Variants in WDFY2 observed in about 807,000 individuals in gnomAD.
WDFY2 encodes the protein WD repeat and FYVE domain-containing protein 2.
WDFY2 carries 36 observed loss-of-function variants against 56.4 expected under a neutral mutation model. The observed-to-expected ratio is 0.64, with a 90% CI of 0.49 to 0.84. WDFY2 has a LOEUF of 0.84. WDFY2 is among the 40% of genes least tolerant of loss of function. The pLI is 0.00. For missense variants in WDFY2, 444 were observed against 512.2 expected (o/e 0.87, Z 1.29); for synonymous variants, 176 against 183.7 (o/e 0.96, Z 0.34).
chr13:51,629,059 A>G (rs1303892663), intron 1 of WDFY2, among the ~76,000 whole-genome samples: 1 of 152,196 alleles, frequency 6.6e-6, no homozygotes, highest in Non-Finnish European at 1.5e-5. Context: ...TGAGACCCAG[A>G]GTTTTAGTTT....
intron 1 of WDFY2, among the ~76,000 whole-genome samples, chr13:51,657,706 G>T (rs932868241): frequency 2.6e-5 from 4 of 152,064 alleles, no homozygotes; most frequent in African/African-American, 9.7e-5. Context: ...CAGGTTTGCT[G>T]TCTCTTCTGA....
intron 3 of WDFY2, 145 bp from the exon 4 acceptor site, chr13:51,703,451 G>T (rs970525824): frequency 1.7e-6 from 1 of 593,936 alleles, no homozygotes; most frequent in Non-Finnish European, 3.0e-6. Flanking sequence ...TTTTAAAAGG[G>T]TACAAAAATT....
chr13:51,730,323 CT>C (rs1460316923), intron 6 of WDFY2, among the ~76,000 whole-genome samples: 1 of 152,204 alleles, frequency 6.6e-6, no homozygotes, highest in Non-Finnish European at 1.5e-5. Context: ...TCGTACTTAA[CT>C]TTTCAGCAGC....
intron 8 of WDFY2, 60 bp from the exon 9 acceptor site, chr13:51,755,298 G>A: frequency 1.3e-6 from 2 of 1,502,472 alleles, no homozygotes; most frequent in African/African-American, 2.7e-5. Flanking sequence ...ATCAGGGTCA[G>A]TGGTTTCCAT....
chr13:51,625,276 C>T (rs1954818368), intron 1 of WDFY2, among the ~76,000 whole-genome samples: 1 of 152,158 alleles, frequency 6.6e-6, no homozygotes, highest in South Asian at 2.1e-4. Context: ...TTAAGTACAT[C>T]TGATTGGACA....
At position 51,647,874 on chromosome 13, in the gene WDFY2, TACAC is replaced by T. The variant is rs766484438; in HGVS notation, c.138-12713_138-12710del. ...ATGACTATGTATGTGTATGCATGTA[TACAC>T]ACACACACGAGTCAGTTTAGCAACT... On this transcript the variant is annotated intron_variant, in intron 1 of 11. Transcript: ENST00000298125. Among the ~76,000 whole-genome samples, 13 of 151,966 alleles carry T rather than the reference TACAC, an allele frequency of 8.6e-5. No individual in the cohort carries two copies. In the East Asian group the frequency reaches 2.5e-3, roughly 29 times the overall value.
chr13:51,698,146 A>G (rs950638640), intron 3 of WDFY2, among the ~76,000 whole-genome samples: 38 of 152,242 alleles, frequency 2.5e-4, no homozygotes, highest in African/African-American at 8.7e-4. Flanking sequence ...ATTTGGTTCC[A>G]GTGCCCAAGC....
chr13:51,658,418 C>A (rs1371920599), intron 1 of WDFY2, among the ~76,000 whole-genome samples: 3 of 152,200 alleles, frequency 2.0e-5, no homozygotes, highest in African/African-American at 7.2e-5. Flanking sequence ...AAATCAAACA[C>A]ACCCCCTACA....
chr13:51,708,377 G>A (rs998167149), intron 4 of WDFY2, among the ~76,000 whole-genome samples: 1 of 151,770 alleles, frequency 6.6e-6, no homozygotes, highest in Admixed American at 6.6e-5. Flanking sequence ...TACTAGGGAG[G>A]CTAAGGTGGG....
chr13:51,722,643 A>G (rs1416963749), intron 5 of WDFY2, among the ~76,000 whole-genome samples: 2 of 152,236 alleles, frequency 1.3e-5, no homozygotes, highest in African/African-American at 2.4e-5. Context: ...TTCACAGTGT[A>G]GAAACCAAGG....
intron 1 of WDFY2, chr13:51,588,219 C>G (rs1450189570): frequency 6.6e-6 from 1 of 152,098 alleles, no homozygotes; most frequent in African/African-American, 2.4e-5. Context: ...TTTAGCATTC[C>G]CTGCCTAGGA....
rs1425390798 is a variant in WDFY2 at position 51,763,491 on chromosome 13, T to C, written c.*3722T>C. The C allele has an allele frequency of 6.6e-6, 1 of 152,232 alleles. No homozygotes were observed. The highest frequency in any genetic ancestry group is 2.4e-5 in the African/African-American group (1 of 41,458). The allele number at this position is 152,232 out of a possible 1,614,324, so 9.4% of individuals were successfully genotyped here. On this transcript the variant is annotated 3_prime_UTR_variant, in exon 12 of 12. Coordinates refer to ENST00000298125, the MANE Select transcript of WDFY2 (RefSeq NM_052950.4). ...CTTATGGAATATCACATTTTCATTT[T>C]CTGAGATTCATTTTATAAAAGTAAA...
In WDFY2 at chr13:51,703,577, GTTTTC is replaced by G. The variant is rs761711070; in HGVS notation, c.280-9_280-5del. ...TTAAAGAATTTATTTTTGTTTAATA[GTTTTC>G]TTTTCTTTTACAGGAGTTTATATTG... On this transcript the variant is annotated splice_polypyrimidine_tract_variant and intron_variant, in intron 3 of 11. Transcript: ENST00000298125. 2 of 1,558,100 alleles carry G rather than the reference GTTTTC, an allele frequency of 1.3e-6. No homozygotes were observed. The highest frequency in any genetic ancestry group is 1.9e-4 in the Middle Eastern group (1 of 5,190).
intron 1 of WDFY2, among the ~76,000 whole-genome samples, chr13:51,597,611 A>G (rs80298138): frequency 0.013 from 2,028 of 152,320 alleles, 54 homozygotes; most frequent in African/African-American, 0.047. Context: ...AGTGAGGTTA[A>G]TGATGGCAAA....
intron 1 of WDFY2, among the ~76,000 whole-genome samples, chr13:51,645,927 G>A (rs1566336132): frequency 6.6e-6 from 1 of 152,094 alleles, no homozygotes; most frequent in Non-Finnish European, 1.5e-5. Context: ...TGCACTCAGG[G>A]TGTTCAAGAT....
At chr13:51,655,618 G>T (rs1474683656) in intron 1 of WDFY2, among the ~76,000 whole-genome samples, 1 of 152,028 alleles carries the variant, frequency 6.6e-6, no homozygotes, top group African/African-American at 2.4e-5. Context: ...TTTTGAATCT[G>T]TCTTCATGAA....
intron 1 of WDFY2, among the ~76,000 whole-genome samples, chr13:51,614,984 G>A (rs926014352): frequency 6.6e-6 from 1 of 152,286 alleles, no homozygotes; most frequent in African/African-American, 2.4e-5. Context: ...TAAGCTCAGA[G>A]TGCACATAAA....
Position 51,727,682 on chromosome 13 carries a change from G to A in WDFY2, c.490G>A (p.Asp164Asn). ...TSAVASGLQFDVETRHVFIGD... is the reference protein window; with the variant it reads ...TSAVASGLQFNVETRHVFIGD... ...TCCTTAATGCTTTCATGACAGATTT[G>A]ATGTTGAAACCCGGCATGTGTTTAT... Residue 164 changes from aspartate (D) to asparagine (N), a missense_variant, in exon 6 of 12, where the codon GAT (aspartate) becomes AAT (asparagine). Coordinates refer to ENST00000298125, the MANE Select transcript of WDFY2 (RefSeq NM_052950.4). The A allele has an allele frequency of 6.2e-7, 1 of 1,612,758 alleles. No individual in the cohort carries two copies. Among genetic ancestry groups the A allele is most frequent in the Non-Finnish European group, 8.5e-7 (1 of 1,179,614 alleles).
chr13:51,715,503 G>C (rs984657157), intron 4 of WDFY2, among the ~76,000 whole-genome samples: 1 of 150,482 alleles, frequency 6.6e-6, no homozygotes, highest in Non-Finnish European at 1.5e-5. Context: ...GAAGGTCTTC[G>C]GGGCCATAAC....
Sources: gnomAD v4.1 joint callset for allele counts (sites outside exome capture counted in the v4.1 genomes callset) on GRCh38, gnomAD v4.1.1 for gene constraint, MANE v1.5 for transcripts, NCBI Gene and HGNC (gene_info 2026-07-23, HGNC 2026-07-21) for gene names.